Variants in ATRNL1 observed in about 807,000 individuals in gnomAD.
The protein encoded by ATRNL1 is attractin-like protein 1.
In ATRNL1, 95 loss-of-function variants were observed where a neutral mutation model predicts 182.7. The ratio of observed to expected loss-of-function variants is 0.52; its 90% CI spans 0.44 to 0.62. The LOEUF (loss-of-function observed/expected upper bound fraction) is 0.62, where lower values mean the gene tolerates loss of function less well. Among genes scored for constraint, ATRNL1 ranks in the 20% least tolerant of loss-of-function variants. The pLI, the probability that ATRNL1 is intolerant of heterozygous loss-of-function variation, is 0.00. For missense variants in ATRNL1, 1,471 were observed against 1,679.5 expected (o/e 0.88, Z 2.17); for synonymous variants, 576 against 568.3 (o/e 1.01, Z -0.19).
intron 24 of ATRNL1, among the ~76,000 whole-genome samples, chr10:115,505,015 T>G (rs1180190637): frequency 1.3e-5 from 2 of 152,072 alleles, no homozygotes; most frequent in Non-Finnish European, 2.9e-5. Context: ...ATTTGCATAT[T>G]AAAGGAGACA....
At chr10:115,318,714 A>G (rs1386665265) in intron 18 of ATRNL1, among the ~76,000 whole-genome samples, 3 of 151,950 alleles carry the variant, frequency 2.0e-5, no homozygotes, top group South Asian at 4.1e-4. Context: ...GGTAGTCTAT[A>G]TTTCTGTGGG....
intron 26 of ATRNL1, among the ~76,000 whole-genome samples, chr10:115,708,000 A>C (rs1946952359): frequency 6.6e-6 from 1 of 151,690 alleles, no homozygotes; most frequent in Non-Finnish European, 1.5e-5. Context: ...AATTAGGTAA[A>C]AATATTCCTT....
At chr10:115,488,304 TCC>T (rs1318441653) in intron 24 of ATRNL1, among the ~76,000 whole-genome samples, 2 of 152,184 alleles carry the variant, frequency 1.3e-5, no homozygotes, top group African/African-American at 2.4e-5. Context: ...TGGTACCAGT[TCC>T]TCTTGGTACC....
chr10:115,520,794 TC>T (rs1554984985), intron 25 of ATRNL1, among the ~76,000 whole-genome samples: 2 of 152,192 alleles, frequency 1.3e-5, no homozygotes, highest in African/African-American at 4.8e-5. Flanking sequence ...GTTTACACAT[TC>T]CTTGTTCATT....
At chr10:115,306,656 C>G (rs782115074) in intron 17 of ATRNL1, among the ~76,000 whole-genome samples, 114 of 151,998 alleles carry the variant, frequency 7.5e-4, no homozygotes, top group Non-Finnish European at 1.5e-3. Flanking sequence ...TACATGTTTT[C>G]TTCTCTTTAC....
chr10:115,536,214 G>T (rs536230558), intron 25 of ATRNL1, among the ~76,000 whole-genome samples: 1 of 152,192 alleles, frequency 6.6e-6, no homozygotes, highest in African/African-American at 2.4e-5. Flanking sequence ...GCCCCCAGAG[G>T]TGGAGCCTAC....
intron 19 of ATRNL1, among the ~76,000 whole-genome samples, chr10:115,369,339 C>T (rs1311964711): frequency 1.3e-5 from 2 of 149,830 alleles, no homozygotes; most frequent in Non-Finnish European, 1.5e-5. Context: ...GATGGGGGTT[C>T]TGTGAAGGGG....
intron 24 of ATRNL1, among the ~76,000 whole-genome samples, chr10:115,479,032 A>G (rs1848648627): frequency 6.6e-6 from 1 of 151,588 alleles, no homozygotes; most frequent in African/African-American, 2.4e-5. Flanking sequence ...AGACAGTGAT[A>G]ATAACTGTTT....
At chr10:115,115,184 C>A (rs1231113722) in intron 1 of ATRNL1, among the ~76,000 whole-genome samples, 1 of 151,742 alleles carries the variant, frequency 6.6e-6, no homozygotes, top group African/African-American at 2.4e-5. Context: ...AAATTTGAAT[C>A]AATTGAAGTA....
intron 7 of ATRNL1, among the ~76,000 whole-genome samples, chr10:115,166,032 G>A (rs1847023552): frequency 6.6e-6 from 1 of 151,850 alleles, no homozygotes; most frequent in Non-Finnish European, 1.5e-5. Context: ...TTTTTCATCG[G>A]GCAAAACTGA....
At chr10:115,713,705 C>CTATCTATCTATCATCTATCTATCTATCT (rs1555055340) in intron 26 of ATRNL1, among the ~76,000 whole-genome samples, 3 of 101,224 alleles carry the variant, frequency 3.0e-5, no homozygotes, top group Non-Finnish European at 4.3e-5. Context: ...ATCTATCTAT[C>CTATCTATCTATCATCTATCTATCTATCT]ATCTATCTAT....
chr10:115,677,581 C>T (rs1165274733), intron 26 of ATRNL1, among the ~76,000 whole-genome samples: 2 of 152,038 alleles, frequency 1.3e-5, no homozygotes, highest in African/African-American at 4.8e-5. Context: ...TCTGCTTTTG[C>T]TTCTTCCTCA....
rs546453470 is a variant in ATRNL1 at position 115,328,808 on chromosome 10, CAT to C, written c.3038-5473_3038-5472del. Reference sequence around the variant, plus strand: ...TGGCTGAAAAATATTTCATTGTGTGCATGTGTGTATGTGTATTTATTTGTTTA... The same window carrying C: ...TGGCTGAAAAATATTTCATTGTGTGCGTGTGTATGTGTATTTATTTGTTTA... On this transcript the variant is annotated intron_variant, in intron 18 of 28. Transcript: ENST00000355044. 3.2e-3 allele frequency among the ~76,000 whole-genome samples: 489 copies of C among 151,968 alleles called. 2 individuals carry two copies. Among genetic ancestry groups the C allele is most frequent in the African/African-American group, 0.011 (453 of 41,478 alleles).
At chr10:115,558,065 C>A (rs374686475) in intron 26 of ATRNL1, among the ~76,000 whole-genome samples, 15 of 144,666 alleles carry the variant, frequency 1.0e-4, no homozygotes, top group South Asian at 2.2e-4. Context: ...AACAAAAAAA[C>A]AAAAAAAAAA....
chr10:115,492,425 A>G (rs571460812), intron 24 of ATRNL1, among the ~76,000 whole-genome samples: 7 of 151,962 alleles, frequency 4.6e-5, no homozygotes, highest in African/African-American at 1.7e-4. Context: ...CATTCTTCAT[A>G]TTCTTGCATC....
chr10:115,480,987 A>G (rs1554974057), intron 24 of ATRNL1, among the ~76,000 whole-genome samples: 1 of 150,868 alleles, frequency 6.6e-6, no homozygotes, highest in East Asian at 1.9e-4. Context: ...AAATTTGAGT[A>G]AAGAAGATTT....
At chr10:115,547,261 A>T (rs5005850) in intron 25 of ATRNL1, among the ~76,000 whole-genome samples, 43,987 of 137,900 alleles carry the variant, frequency 0.32, 7,717 homozygotes, top group Middle Eastern at 0.44. Context: ...TCTCAAAAAA[A>T]AAATATATAT....
chr10:115,155,474 C>T (rs1846467498), intron 5 of ATRNL1, among the ~76,000 whole-genome samples: 1 of 151,890 alleles, frequency 6.6e-6, no homozygotes, highest in Admixed American at 6.6e-5. Flanking sequence ...ATCTTATATT[C>T]TAGGTGGAAG....
At chr10:115,295,893 A>T (rs1020661699) in intron 15 of ATRNL1, among the ~76,000 whole-genome samples, 3 of 152,030 alleles carry the variant, frequency 2.0e-5, no homozygotes, top group Non-Finnish European at 4.4e-5. Context: ...TACTGGAGAG[A>T]TGCAGAGGCT....
Sources: allele counts gnomAD v4.1 joint callset (sites outside exome capture counted in the v4.1 genomes callset), GRCh38; gene constraint gnomAD v4.1.1; transcripts MANE v1.5; gene names NCBI Gene and HGNC (gene_info 2026-07-23, HGNC 2026-07-21).